The following AGMO variants were observed in gnomAD, a reference collection of about 807,000 sequenced individuals.
AGMO encodes glyceryl-ether monooxygenase.
A neutral mutation model predicts 60.2 loss-of-function variants in AGMO; 75 were observed. The ratio of observed to expected loss-of-function variants is 1.25; its 90% CI spans 1.03 to 1.51. The LOEUF (loss-of-function observed/expected upper bound fraction) is 1.51, where lower values mean the gene tolerates loss of function less well. Among genes scored for constraint, AGMO ranks in the 40% most tolerant of loss-of-function variants. AGMO has a pLI of 0.00. For synonymous variants in AGMO, 261 were observed against 177.1 expected (o/e 1.47, Z -3.76); for missense variants, 763 against 525.5 (o/e 1.45, Z -4.42).
the AGMO span, among the ~76,000 whole-genome samples, chr7:15,135,582 T>G: frequency 6.6e-6 from 1 of 152,226 alleles, no homozygotes; most frequent in Non-Finnish European, 1.5e-5. Context: ...TGTAGTTTTA[T>G]AAATATTCAT....
At chr7:15,124,686 A>T in the AGMO span, among the ~76,000 whole-genome samples, 1 of 152,234 alleles carries the variant, frequency 6.6e-6, no homozygotes, top group African/African-American at 2.4e-5. Flanking sequence ...ATAACTAAAG[A>T]TGGACATGTT....
chr7:15,469,008 C>T (rs1782368101), intron 3 of AGMO, among the ~76,000 whole-genome samples: 2 of 151,876 alleles, frequency 1.3e-5, no homozygotes, highest in South Asian at 4.2e-4. Context: ...CTTTTTCTTC[C>T]CAATTTGCAT....
intron 3 of AGMO, among the ~76,000 whole-genome samples, chr7:15,437,557 C>T (rs375013239): frequency 6.2e-5 from 8 of 129,664 alleles, no homozygotes; most frequent in Admixed American, 3.5e-4. Flanking sequence ...TTTTTTGAGA[C>T]GGAGTCTGTC....
the AGMO span, among the ~76,000 whole-genome samples, chr7:15,195,079 T>G: frequency 8.5e-5 from 13 of 152,198 alleles, no homozygotes; most frequent in Non-Finnish European, 1.6e-4. Flanking sequence ...CAGGGAGAGC[T>G]CCCTTCAGTG....
intron 12 of AGMO, among the ~76,000 whole-genome samples, chr7:15,268,805 C>T (rs568089773): frequency 9.2e-5 from 14 of 151,898 alleles, no homozygotes; most frequent in South Asian, 2.1e-4. Context: ...GTGGACTAGA[C>T]AATGTAAAGA....
chr7:15,517,972 C>G (rs375993452), intron 3 of AGMO, among the ~76,000 whole-genome samples: 2 of 152,076 alleles, frequency 1.3e-5, no homozygotes, highest in Admixed American at 6.5e-5. Context: ...CTGGGACACT[C>G]GAGCTTGGTT....
intron 5 of AGMO, among the ~76,000 whole-genome samples, chr7:15,409,304 A>T (rs578246236): frequency 6.6e-6 from 1 of 152,068 alleles, no homozygotes; most frequent in Non-Finnish European, 1.5e-5. Context: ...TTTTAACTCT[A>T]CCATATCAGT....
At chr7:15,193,681 T>G in the AGMO span, among the ~76,000 whole-genome samples, 3 of 152,156 alleles carry the variant, frequency 2.0e-5, no homozygotes, top group African/African-American at 7.2e-5. Context: ...TTTGTCAATC[T>G]TTACTGATAT....
chr7:15,525,398 T>G (rs549362561), intron 3 of AGMO, among the ~76,000 whole-genome samples: 5 of 152,212 alleles, frequency 3.3e-5, no homozygotes, highest in African/African-American at 1.2e-4. Context: ...TACATATACC[T>G]ACCCTTCCCT....
At chr7:15,200,184 G>GA (rs1384051576), downstream of AGMO, 10 of 108,136 alleles carry the variant, frequency 9.2e-5, no homozygotes, top group African/African-American at 4.2e-4. Context: ...TTGGATAAAT[G>GA]AAAAATAAAG....
rs548142038 is a variant in AGMO at position 15,363,094 on chromosome 7, G to A, written c.1263+2420C>T. Among the ~76,000 whole-genome samples, 17 of 152,290 alleles carry A rather than the reference G, an allele frequency of 1.1e-4. No individual in the cohort carries two copies. The South Asian group carries it at 2.5e-3, about 22-fold the overall frequency. On this transcript the variant is annotated intron_variant, in intron 12 of 12. Transcript: ENST00000342526. The stretch of plus-strand genomic sequence containing the variant: ...ATAATACTAGTAAGGCATTTAGAAC[G>A]TAGTAAGAGCTCAATGCATGTTAGC...
chr7:15,270,622 T>G (rs1429803976), intron 12 of AGMO, among the ~76,000 whole-genome samples: 1 of 108,316 alleles, frequency 9.2e-6, no homozygotes, highest in African/African-American at 3.5e-5. Context: ...TTTTTTTTTT[T>G]TTTTTTTTTT....
At position 15,406,928 on chromosome 7, in the gene AGMO, C is replaced by T. The variant is rs546859898; in HGVS notation, c.609+11630G>A. Among the ~76,000 whole-genome samples, 148 of 115,724 alleles carry T rather than the reference C, an allele frequency of 1.3e-3. 4 individuals carry two copies. The highest frequency in any genetic ancestry group is 0.012 in the Middle Eastern group (2 of 162). The allele number at this position is 115,724 out of a possible 152,430, so 75.9% of individuals were successfully genotyped here. ...AAGGCCCCTTTGTTTGGAATACACA[C>T]GCGCACACACACACACACACACACG... On this transcript the variant is annotated intron_variant, in intron 5 of 12. Transcript: ENST00000342526.
At chr7:15,253,808 C>G (rs2128507289) in intron 12 of AGMO, among the ~76,000 whole-genome samples, 1 of 152,276 alleles carries the variant, frequency 6.6e-6, no homozygotes, top group African/African-American at 2.4e-5. Context: ...TCCTATGTAA[C>G]TGTAACACCG....
chr7:15,322,984 T>TTTA (rs1769859348), intron 12 of AGMO, among the ~76,000 whole-genome samples: 2 of 117,384 alleles, frequency 1.7e-5, no homozygotes, highest in South Asian at 5.7e-4. Context: ...TATATGTATT[T>TTTA]ATTTTTTATT....
At chr7:15,168,734 A>AT in the AGMO span, among the ~76,000 whole-genome samples, 1 of 152,216 alleles carries the variant, frequency 6.6e-6, no homozygotes, top group African/African-American at 2.4e-5. Context: ...CTGTCACTAG[A>AT]TGGGGCCCAC....
At chr7:15,491,952 T>C (rs1266874125) in intron 3 of AGMO, among the ~76,000 whole-genome samples, 1 of 152,162 alleles carries the variant, frequency 6.6e-6, no homozygotes, top group Admixed American at 6.5e-5. Flanking sequence ...TTACTCTATT[T>C]AGACCAAAGT....
chr7:15,306,572 A>T (rs1780621191), intron 12 of AGMO: 2 of 156,598 alleles, frequency 1.3e-5, no homozygotes. Context: ...ATGACTGTGT[A>T]AAAAAAAAAA....
chr7:15,258,404 T>G (rs1783164692), intron 12 of AGMO, among the ~76,000 whole-genome samples: 1 of 151,792 alleles, frequency 6.6e-6, no homozygotes, highest in African/African-American at 2.4e-5. Flanking sequence ...AAATACTGAT[T>G]CGTGGTGGCA....
Sources: gnomAD v4.1 joint callset for allele counts (sites outside exome capture counted in the v4.1 genomes callset) on GRCh38, gnomAD v4.1.1 for gene constraint, MANE v1.5 for transcripts, NCBI Gene and HGNC (gene_info 2026-07-23, HGNC 2026-07-21) for gene names.